The following DMXL2 variants were observed in gnomAD, a reference collection of about 807,000 sequenced individuals.
DMXL2 encodes dmX-like protein 2.
DMXL2 carries 103 observed loss-of-function variants against 331.1 expected under a neutral mutation model. The ratio of observed to expected loss-of-function variants is 0.31; its 90% CI spans 0.27 to 0.37. The LOEUF (loss-of-function observed/expected upper bound fraction) is 0.37. Ranked by LOEUF, DMXL2 falls within the 10% of genes least tolerant of loss-of-function variation. The probability of loss-of-function intolerance (pLI) is 1.00; values close to 1 mark genes in which losing one functional copy is unlikely to be tolerated. For synonymous variants in DMXL2, 1,281 were observed against 1,252.1 expected, an observed-to-expected ratio of 1.02 and a Z score of -0.49; for missense variants, 3,171 against 3,642.9, an observed-to-expected ratio of 0.87 and a Z score of 3.33.
chr15:51,536,896 A>G, intron 11 of DMXL2, 34 bp from the exon 12 acceptor site: 2 of 1,495,522 alleles, frequency 1.3e-6, no homozygotes, highest in East Asian at 2.3e-5. Flanking sequence ...CAGTGCAAAT[A>G]GTTTACCTCC....
intron 1 of DMXL2, among the ~76,000 whole-genome samples, chr15:51,594,334 C>T (rs996462544): frequency 4.3e-4 from 65 of 152,202 alleles, no homozygotes; most frequent in African/African-American, 1.5e-3. Flanking sequence ...ATAAATTCCT[C>T]GACACATACA....
At chr15:51,516,445 A>G (rs1358839030) in intron 14 of DMXL2, among the ~76,000 whole-genome samples, 5 of 152,186 alleles carry the variant, frequency 3.3e-5, no homozygotes, top group African/African-American at 4.8e-5. Flanking sequence ...CAAGGCAAAC[A>G]CTCTGAAACT....
At chr15:51,555,278 T>C (rs1018960536) in intron 6 of DMXL2, among the ~76,000 whole-genome samples, 1 of 152,170 alleles carries the variant, frequency 6.6e-6, no homozygotes, top group Non-Finnish European at 1.5e-5. Flanking sequence ...TAAATAATGG[T>C]GGCTTCAACC....
chr15:51,465,358 G>A (rs1291475231), intron 31 of DMXL2, among the ~76,000 whole-genome samples: 1 of 152,108 alleles, frequency 6.6e-6, no homozygotes, highest in African/African-American at 2.4e-5. Flanking sequence ...TCACACCACT[G>A]CACTACAGTC....
intron 6 of DMXL2, among the ~76,000 whole-genome samples, chr15:51,554,093 GCA>G (rs938624256): frequency 1.2e-4 from 18 of 152,184 alleles, no homozygotes; most frequent in African/African-American, 4.1e-4. Context: ...TCCAAATGAT[GCA>G]CAGTGTGTAC....
chr15:51,508,421 A>G (rs1414341297), intron 15 of DMXL2, among the ~76,000 whole-genome samples: 1 of 152,214 alleles, frequency 6.6e-6, no homozygotes, highest in Non-Finnish European at 1.5e-5. Context: ...CTCCTGAAAG[A>G]AAGTAAACTA....
At chr15:51,457,749 C>T (rs1342554022) in intron 36 of DMXL2, 3 of 316,002 alleles carry the variant, frequency 9.5e-6, no homozygotes, top group Admixed American at 4.6e-5. Context: ...ATTATGTTCT[C>T]TTCAAGTACA....
intron 6 of DMXL2, among the ~76,000 whole-genome samples, chr15:51,562,141 A>G (rs1016664884): frequency 1.3e-5 from 2 of 152,216 alleles, no homozygotes; most frequent in African/African-American, 4.8e-5. Flanking sequence ...ACAAAAAGAG[A>G]TAAACATTTG....
chr15:51,453,356 TATATTAGGA>T, intron 41 of DMXL2, 185 bp downstream of exon 41: 1 of 444,408 alleles, frequency 2.3e-6, no homozygotes, highest in Non-Finnish European at 3.9e-6. Flanking sequence ...AAAAATTACA[TATATTAGGA>T]ATAACTTTCA....
chr15:51,509,440 T>TA (rs1454672839), intron 15 of DMXL2, among the ~76,000 whole-genome samples: 2 of 152,104 alleles, frequency 1.3e-5, no homozygotes, highest in African/African-American at 4.8e-5. Context: ...TCTACACAAA[T>TA]AAACTAGAAA....
intron 6 of DMXL2, among the ~76,000 whole-genome samples, chr15:51,562,007 G>C (rs143208090): frequency 1.3e-5 from 2 of 152,106 alleles, no homozygotes; most frequent in African/African-American, 4.8e-5. Flanking sequence ...TTGGTTAATT[G>C]GTACAAATAC....
intron 25 of DMXL2, among the ~76,000 whole-genome samples, chr15:51,479,412 G>C (rs140527423): frequency 6.6e-6 from 1 of 152,130 alleles, no homozygotes; most frequent in Non-Finnish European, 1.5e-5. Context: ...AGTGTTTCTT[G>C]GACTGTATCA....
chr15:51,450,943 G>A (rs999598111), intron 42 of DMXL2, among the ~76,000 whole-genome samples: 1 of 151,668 alleles, frequency 6.6e-6, no homozygotes, highest in African/African-American at 2.4e-5. Flanking sequence ...AAAAGACTGA[G>A]AATCTTTCTG....
chr15:51,556,538 C>T (rs969249492), intron 6 of DMXL2, among the ~76,000 whole-genome samples: 11 of 151,654 alleles, frequency 7.3e-5, no homozygotes, highest in African/African-American at 1.9e-4. Flanking sequence ...TATGGGAGGC[C>T]GAGGCAGGTG....
At chr15:51,576,912 T>G (rs570422039) in intron 1 of DMXL2, among the ~76,000 whole-genome samples, 52 of 152,314 alleles carry the variant, frequency 3.4e-4, no homozygotes, top group South Asian at 2.1e-3. Context: ...GAAAATAGAC[T>G]ACAACACAGA....
chr15:51,576,200 A>AAAAAAAAAAAAAAAATTTTT lies in DMXL2; in HGVS notation c.88-20_88-19insAAAAATTTTTTTTTTTTTTT. 6.9e-7 allele frequency: 1 copy of AAAAAAAAAAAAAAAATTTTT among 1,455,840 alleles called. No homozygotes were observed. The highest frequency in any genetic ancestry group is 9.1e-7 in the Non-Finnish European group (1 of 1,097,014). 90.2% of individuals were successfully genotyped at this position (1,455,840 alleles called of 1,614,324 possible). Reference sequence around the variant, plus strand: ...CATATGCCTAAAAAAAAAAAAAAAAAAAAGTTTTACAATACATAAGATATG... The same window carrying AAAAAAAAAAAAAAAATTTTT: ...CATATGCCTAAAAAAAAAAAAAAAAAAAAAAAAAAAAAAAATTTTTAAAGTTTTACAATACATAAGATATG... On this transcript the variant is annotated intron_variant, in intron 1 of 43. Coordinates refer to ENST00000560891, the MANE Select transcript of DMXL2 (RefSeq NM_001378457.1).
intron 13 of DMXL2, among the ~76,000 whole-genome samples, chr15:51,529,332 A>G (rs1024516913): frequency 2.0e-5 from 3 of 152,120 alleles, no homozygotes; most frequent in Admixed American, 6.5e-5. Flanking sequence ...ATTTTTTGAA[A>G]AGATAAAACA....
chr15:51,486,266 C>T lies in DMXL2; in HGVS notation c.5289G>A (p.Glu1763=), dbSNP rs1205943049. The T allele has an allele frequency of 6.2e-7, 1 of 1,612,912 alleles. No individual in the cohort carries two copies. Among genetic ancestry groups the T allele is most frequent in the South Asian group, 1.1e-5 (1 of 91,036 alleles). The stretch of plus-strand genomic sequence containing the variant: ...GGATGGATATATAAGTGGATGAAGT[C>T]TCAAATTCAGATTCATATAAACGGG... ...VIARLYESEF[E]TSSTYISILN... is the part of the protein sequence containing the mutation. The change falls in exon 23 of 44, where the codon GAG becomes GAA. Residue 1763 remains glutamate, a synonymous_variant. Transcript: ENST00000560891.
chr15:51,614,824 C>T (rs896450993), intron 1 of DMXL2, among the ~76,000 whole-genome samples: 1 of 152,056 alleles, frequency 6.6e-6, no homozygotes, highest in Non-Finnish European at 1.5e-5. Context: ...GAATAAGGGG[C>T]TAACAAGATT....
Sources: allele counts gnomAD v4.1 joint callset (sites outside exome capture counted in the v4.1 genomes callset), GRCh38; gene constraint gnomAD v4.1.1; transcripts MANE v1.5; gene names NCBI Gene and HGNC (gene_info 2026-07-23, HGNC 2026-07-21).